Variants in CSMD1 observed in about 807,000 individuals in gnomAD.
CSMD1 encodes the protein CUB and Sushi multiple domains 1.
In CSMD1, 213 loss-of-function variants were observed where a neutral mutation model predicts 417.5. The ratio of observed to expected loss-of-function variants is 0.51; its 90% CI spans 0.46 to 0.57. The LOEUF (loss-of-function observed/expected upper bound fraction) is 0.57, where lower values mean the gene tolerates loss of function less well. CSMD1 is among the 20% of genes least tolerant of loss of function. The pLI, the probability that CSMD1 is intolerant of heterozygous loss-of-function variation, is 0.00. For missense variants in CSMD1, 6,923 were observed against 4,529.7 expected (o/e 1.53, Z -15.17); for synonymous variants, 2,862 against 1,736.8 (o/e 1.65, Z -16.11).
At chr8:4,043,575 G>T (rs528641429) in intron 3 of CSMD1, among the ~76,000 whole-genome samples, 3 of 152,148 alleles carry the variant, frequency 2.0e-5, no homozygotes, top group Non-Finnish European at 4.4e-5. Context: ...CTGTCTGGCC[G>T]CCTTGAGGGG....
chr8:3,066,860 C>CA (rs1370353196), intron 49 of CSMD1, among the ~76,000 whole-genome samples: 1 of 152,148 alleles, frequency 6.6e-6, no homozygotes, highest in Non-Finnish European at 1.5e-5. Context: ...AATGAAGTGT[C>CA]AGAGTTATTA....
chr8:3,481,513 C>T (rs1817749218), intron 11 of CSMD1, among the ~76,000 whole-genome samples: 1 of 152,168 alleles, frequency 6.6e-6, no homozygotes, highest in African/African-American at 2.4e-5. Context: ...GGCCTCACTC[C>T]TGTCCAATCC....
intron 3 of CSMD1, among the ~76,000 whole-genome samples, chr8:4,385,931 C>T (rs889610593): frequency 6.6e-6 from 1 of 152,128 alleles, no homozygotes; most frequent in Non-Finnish European, 1.5e-5. Flanking sequence ...GAGTTTCTCA[C>T]CCCTCAACAT....
chr8:4,245,481 A>C (rs545056322), intron 3 of CSMD1, among the ~76,000 whole-genome samples: 43 of 151,836 alleles, frequency 2.8e-4, no homozygotes, highest in Non-Finnish European at 5.6e-4. Context: ...GCAAACAAAA[A>C]CTCTTCATGA....
intron 3 of CSMD1, among the ~76,000 whole-genome samples, chr8:4,134,189 G>C (rs1403737689): frequency 6.6e-6 from 1 of 152,112 alleles, no homozygotes; most frequent in Non-Finnish European, 1.5e-5. Context: ...AATTAAAGTT[G>C]AAGGAAAGTC....
intron 5 of CSMD1, among the ~76,000 whole-genome samples, chr8:3,917,785 C>T (rs939859646): frequency 6.6e-6 from 1 of 152,064 alleles, no homozygotes; most frequent in African/African-American, 2.4e-5. Context: ...CCCCCCACAC[C>T]TATTATTAGT....
At chr8:4,671,375 C>T (rs541983030) in intron 1 of CSMD1, among the ~76,000 whole-genome samples, 37 of 152,010 alleles carry the variant, frequency 2.4e-4, no homozygotes, top group African/African-American at 8.9e-4. Flanking sequence ...AATTACAGAC[C>T]CAAGTCTGTT....
In CSMD1 at chr8:3,359,288, T is replaced by C. The variant is rs1431527998; in HGVS notation, c.3168A>G (p.Arg1056=). ...DDPGVPAFSR[R]IGFHFGVGDS... ...CTCCCACACCAAAGTGAAAACCAAT[T>C]CTTCGGCTGAAGGCAGGGACTCCAG... Residue 1056 remains arginine, a synonymous_variant, in exon 21 of 70, where the codon AGA becomes AGG. Transcript: ENST00000635120. 1 of 1,613,666 alleles carries C rather than the reference T, an allele frequency of 6.2e-7. No individual in the cohort carries two copies. The highest frequency in any genetic ancestry group is 8.5e-7 in the Non-Finnish European group (1 of 1,179,832).
At chr8:4,774,515 TA>T (rs1795515067) in intron 1 of CSMD1, among the ~76,000 whole-genome samples, 1 of 152,132 alleles carries the variant, frequency 6.6e-6, no homozygotes, top group Non-Finnish European at 1.5e-5. Flanking sequence ...AAGTACTTTA[TA>T]AAAAAGAATA....
chr8:4,164,805 G>T (rs375369131), intron 3 of CSMD1, among the ~76,000 whole-genome samples: 1 of 151,974 alleles, frequency 6.6e-6, no homozygotes, highest in East Asian at 1.9e-4. Flanking sequence ...GAAATCCAGA[G>T]GTGGAGCTTG....
At chr8:3,943,936 G>T (rs1208327043) in intron 5 of CSMD1, among the ~76,000 whole-genome samples, 1 of 152,084 alleles carries the variant, frequency 6.6e-6, no homozygotes, top group Non-Finnish European at 1.5e-5. Context: ...AAACACAATG[G>T]TGGAATGTTA....
intron 2 of CSMD1, among the ~76,000 whole-genome samples, chr8:4,469,599 G>C (rs1200829520): frequency 6.6e-6 from 1 of 152,128 alleles, no homozygotes; most frequent in Non-Finnish European, 1.5e-5. Flanking sequence ...AGTGGTCTTT[G>C]ACTCTGTGTA....
At chr8:3,593,663 C>G (rs1800960730) in intron 8 of CSMD1, among the ~76,000 whole-genome samples, 1 of 152,184 alleles carries the variant, frequency 6.6e-6, no homozygotes, top group Non-Finnish European at 1.5e-5. Flanking sequence ...GAGGATCCCA[C>G]AAAAGAAATT....
intron 62 of CSMD1, among the ~76,000 whole-genome samples, chr8:2,959,066 C>T (rs894907245): frequency 4.6e-5 from 7 of 152,154 alleles, no homozygotes; most frequent in South Asian, 2.1e-4. Context: ...GATGGGAAAG[C>T]GTTGACTCAT....
At chr8:4,544,502 T>C (rs540767906) in intron 2 of CSMD1, among the ~76,000 whole-genome samples, 5 of 152,258 alleles carry the variant, frequency 3.3e-5, no homozygotes, top group South Asian at 2.1e-4. Context: ...AGCTAATATA[T>C]GTTACATTGG....
At chr8:3,843,064 G>C (rs1220536380) in intron 5 of CSMD1, among the ~76,000 whole-genome samples, 2 of 152,096 alleles carry the variant, frequency 1.3e-5, no homozygotes, top group Non-Finnish European at 2.9e-5. Flanking sequence ...ATGTTGTAAT[G>C]AGTTTCTATT....
intron 3 of CSMD1, among the ~76,000 whole-genome samples, chr8:4,357,305 C>A (rs1377723612): frequency 6.6e-6 from 1 of 152,228 alleles, no homozygotes; most frequent in Non-Finnish European, 1.5e-5. Flanking sequence ...TGCTTTCTCA[C>A]ATTTCCTCCT....
In CSMD1 at chr8:3,468,844, C is replaced by T. The variant is rs768914510; in HGVS notation, c.1449-20G>A. 2.6e-6 allele frequency: 4 copies of T among 1,536,530 alleles called. No homozygotes were observed. The highest frequency in any genetic ancestry group is 3.8e-5 in the Admixed American group (2 of 53,150). On this transcript the variant is annotated intron_variant, in intron 11 of 69. Transcript: ENST00000635120. ...GTGAGCCTGCAAGAAAGAGAAATGT[C>T]AAAGCTTTTAGGTAAGGCAACAAGT...
chr8:3,817,561 G>A (rs1585041595), intron 5 of CSMD1, among the ~76,000 whole-genome samples: 1 of 151,994 alleles, frequency 6.6e-6, no homozygotes, highest in Non-Finnish European at 1.5e-5. Context: ...TTGCAGGCAT[G>A]AGCCACTGCG....
Sources: allele counts gnomAD v4.1 joint callset (sites outside exome capture counted in the v4.1 genomes callset), GRCh38; gene constraint gnomAD v4.1.1; transcripts MANE v1.5; gene names NCBI Gene and HGNC (gene_info 2026-07-23, HGNC 2026-07-21).